Variants in DNAH17 observed in about 807,000 individuals in gnomAD.
The protein encoded by DNAH17 is axonemal beta dynein heavy chain 17.
DNAH17 carries 376 observed loss-of-function variants against 485.6 expected under a neutral mutation model. That is an observed-to-expected ratio of 0.77 (90% confidence interval 0.71 to 0.84). The LOEUF (loss-of-function observed/expected upper bound fraction) is 0.84. DNAH17 is among the 40% of genes least tolerant of loss of function. The pLI is 0.00. For missense variants in DNAH17, 6,370 were observed against 5,839.3 expected, an observed-to-expected ratio of 1.09 and a Z score of -2.96; for synonymous variants, 3,031 against 2,405.9, an observed-to-expected ratio of 1.26 and a Z score of -7.60.
At chr17:78,444,878 A>G (rs2087215374) in intron 70 of DNAH17, 81 bp from the exon 71 acceptor site, 1 of 1,376,006 alleles carries the variant, frequency 7.3e-7, no homozygotes, top group African/African-American at 1.5e-5. Flanking sequence ...TCATTCAAGG[A>G]GGAGAGGCCA....
intron 62 of DNAH17, among the ~76,000 whole-genome samples, chr17:78,457,015 GC>G (rs1279637563): frequency 4.5e-4 from 69 of 152,350 alleles, no homozygotes; most frequent in African/African-American, 1.5e-3. Flanking sequence ...GCAGCTGCCA[GC>G]CCTGGGGCTC....
chr17:78,479,336 A>C, intron 50 of DNAH17, 149 bp downstream of exon 50: 1 of 1,186,254 alleles, frequency 8.4e-7, no homozygotes, highest in South Asian at 1.7e-5. Flanking sequence ...TGTATTTCAC[A>C]ATTTCTCCTG....
chr17:78,488,790 G>A (rs534905423), intron 44 of DNAH17, among the ~76,000 whole-genome samples: 6 of 152,232 alleles, frequency 3.9e-5, no homozygotes, highest in South Asian at 4.2e-4. Flanking sequence ...ATAAGCAAAT[G>A]GGAAATTTGG....
chr17:78,492,270 C>T (rs2089894191), intron 42 of DNAH17, among the ~76,000 whole-genome samples: 1 of 152,110 alleles, frequency 6.6e-6, no homozygotes, highest in Non-Finnish European at 1.5e-5. Context: ...CTCCCCAGAG[C>T]CCACCGACTG....
At chr17:78,556,103 CTCCA>C (rs2092016068) in intron 14 of DNAH17, among the ~76,000 whole-genome samples, 1 of 152,194 alleles carries the variant, frequency 6.6e-6, no homozygotes, top group African/African-American at 2.4e-5. Context: ...GTCCATCCAT[CTCCA>C]TCCATCCATC....
intron 69 of DNAH17, among the ~76,000 whole-genome samples, chr17:78,449,209 C>A (rs1475724414): frequency 6.6e-6 from 1 of 152,116 alleles, no homozygotes; most frequent in East Asian, 1.9e-4. Context: ...TGCCAGCTTC[C>A]CAAATATCAA....
Position 78,426,590 on chromosome 17 carries a change from G to A in DNAH17, c.12782C>T (p.Thr4261Ile). 6.2e-7 allele frequency: 1 copy of A among 1,609,080 alleles called. No homozygotes were observed. The highest frequency in any genetic ancestry group is 8.5e-7 in the Non-Finnish European group (1 of 1,177,190). The change falls in exon 79 of 81, where the codon ACC becomes ATC. Residue 4261 changes from threonine to isoleucine, a missense_variant. Transcript: ENST00000389840. ...ELNLGLKGEL[T>I]ITTDVEDLST... The stretch of plus-strand genomic sequence containing the variant: ...CAGATCTTCCACGTCGGTCGTGATG[G>A]TCAGTTCTCCCTAGGAGACACACAG...
rs765440364 is a variant in DNAH17, at chr17:78,434,172, A to G, written c.12082T>C (p.Phe4028Leu). ...TKEMEFKCML[F>L]ALCYFHAVVA... is the part of the protein sequence containing the mutation. ...ACAGCGTGGAAGTAGCACAGGGCGA[A>G]GAGCATGCACTTGAACTCCATCTCC... Residue 4028 changes from phenylalanine (F) to leucine (L), a missense_variant, in exon 75 of 81, where the codon TTC (phenylalanine) becomes CTC (leucine). Coordinates refer to ENST00000389840, the MANE Select transcript of DNAH17 (RefSeq NM_173628.4). 6.2e-7 allele frequency: 1 copy of G among 1,613,516 alleles called. No individual in the cohort carries two copies. The highest frequency in any genetic ancestry group is 8.5e-7 in the Non-Finnish European group (1 of 1,179,754).
rs533216708 is a variant in DNAH17 at position 78,519,037 on chromosome 17, G to A, written c.3865-4015C>T. On this transcript the variant is annotated intron_variant, in intron 25 of 80. Transcript: ENST00000389840. ...CAAAAAATTAGCCGGGCGTGGTGGC[G>A]GGCACCTGTAGTCCCAGATACTCGG... Among the ~76,000 whole-genome samples, 270 of 151,794 alleles carry A rather than the reference G, an allele frequency of 1.8e-3. 2 individuals are homozygous for A. Among genetic ancestry groups the A allele is most frequent in the African/African-American group, 6.0e-3 (250 of 41,472 alleles).
chr17:78,460,137 C>G (rs754159877), intron 59 of DNAH17, 25 bp downstream of exon 59: 17 of 1,588,294 alleles, frequency 1.1e-5, no homozygotes, highest in African/African-American at 6.7e-5. Flanking sequence ...GGCCAGGGGT[C>G]CCCTTTCTTT....
At chr17:78,498,799 G>A in intron 37 of DNAH17, 9 of 431,686 alleles carry the variant, frequency 2.1e-5, no homozygotes, top group East Asian at 7.4e-5. Flanking sequence ...TACCATACAT[G>A]TAACCTGTAA....
At chr17:78,560,700 C>T (rs1206365176) in intron 13 of DNAH17, 40 bp downstream of exon 13, 1 of 1,512,628 alleles carries the variant, frequency 6.6e-7, no homozygotes, top group Non-Finnish European at 8.9e-7. Flanking sequence ...CCCCCCGCTC[C>T]CAAGGAGCCT....
intron 14 of DNAH17, among the ~76,000 whole-genome samples, chr17:78,554,396 C>G (rs2091972960): frequency 8.3e-6 from 1 of 120,836 alleles, no homozygotes; most frequent in Admixed American, 1.1e-4. Flanking sequence ...AAGATCGCAC[C>G]ACTGCACTCC....
At position 78,560,939 on chromosome 17, in the gene DNAH17, G is replaced by C; in HGVS notation, c.1836-4C>G. On this transcript the variant is annotated splice_polypyrimidine_tract_variant and splice_region_variant and intron_variant, in intron 12 of 80. Transcript: ENST00000389840. ...GGCCTCTGCTCCAGACATGACCCTG[G>C]AATCAGAGCGGGAAGGCGAGGCCCC... 6.5e-7 allele frequency: 1 copy of C among 1,546,982 alleles called. No individual in the cohort carries two copies. The highest frequency in any genetic ancestry group is 8.7e-7 in the Non-Finnish European group (1 of 1,146,290).
At chr17:78,441,852 AGGAGGGCAG>A (rs2087089758) in intron 71 of DNAH17, among the ~76,000 whole-genome samples, 1 of 152,210 alleles carries the variant, frequency 6.6e-6, no homozygotes. Flanking sequence ...TGGGAGGCCA[AGGAGGGCAG>A]ATCACTTGAG....
intron 78 of DNAH17, 83 bp from the exon 79 acceptor site, chr17:78,426,683 AAC>A (rs1309388421): frequency 1.1e-5 from 16 of 1,513,660 alleles, no homozygotes; most frequent in Admixed American, 6.3e-5. Flanking sequence ...ATGAGTTGTC[AAC>A]ACAGTGTGGC....
intron 51 of DNAH17, among the ~76,000 whole-genome samples, chr17:78,478,452 T>C (rs1018933654): frequency 1.3e-4 from 19 of 146,344 alleles, no homozygotes; most frequent in Non-Finnish European, 1.9e-4. Flanking sequence ...AACATTACCA[T>C]CACCATCACT....
intron 19 of DNAH17, among the ~76,000 whole-genome samples, chr17:78,535,027 G>A (rs1009975565): frequency 5.3e-5 from 8 of 152,170 alleles, no homozygotes; most frequent in Non-Finnish European, 1.0e-4. Flanking sequence ...GACTCTGCTA[G>A]ACCAGCAGGC....
intron 26 of DNAH17, among the ~76,000 whole-genome samples, chr17:78,514,291 G>A (rs1021593465): frequency 6.6e-6 from 1 of 152,096 alleles, no homozygotes; most frequent in African/African-American, 2.4e-5. Context: ...CGGATCATGA[G>A]GTCAGGAGTT....
Sources: allele counts gnomAD v4.1 joint callset (sites outside exome capture counted in the v4.1 genomes callset), GRCh38; gene constraint gnomAD v4.1.1; transcripts MANE v1.5; gene names NCBI Gene and HGNC (gene_info 2026-07-23, HGNC 2026-07-21).